KRABD5: variants seen among roughly 807,000 people sequenced by gnomAD.
KRABD5 encodes KRAB domain-containing protein 5.
At chr16:31,741,460 C>A in the KRABD5 span, among the ~76,000 whole-genome samples, 27 of 152,286 alleles carry the variant, frequency 1.8e-4, no homozygotes, top group African/African-American at 6.5e-4. Flanking sequence ...ACTGCTGGCA[C>A]TTGCCAGCAT....
At chr16:31,738,378 T>G in the KRABD5 span, among the ~76,000 whole-genome samples, 1 of 152,120 alleles carries the variant, frequency 6.6e-6, no homozygotes, top group African/African-American at 2.4e-5. Context: ...ATTTGAGAGG[T>G]GTGATGTTAG....
the KRABD5 span, chr16:31,757,320 A>T: frequency 7.2e-5 from 11 of 152,144 alleles, no homozygotes; most frequent in East Asian, 2.1e-3. Context: ...TACAAAAATT[A>T]GCTGGATGTG....
At chr16:31,722,267 G>A in the KRABD5 span, among the ~76,000 whole-genome samples, 2 of 152,052 alleles carry the variant, frequency 1.3e-5, no homozygotes, top group South Asian at 4.1e-4. Context: ...TAGAGATGGG[G>A]TTTCATCATG....
At chr16:31,747,034 C>T in the KRABD5 span, among the ~76,000 whole-genome samples, 1 of 151,618 alleles carries the variant, frequency 6.6e-6, no homozygotes, top group South Asian at 2.1e-4. Context: ...TACATGTGCA[C>T]AATGTGCAGG....
chr16:31,759,450 T>G, the KRABD5 span: 1 of 1,524,528 alleles, frequency 6.6e-7, no homozygotes, highest in Non-Finnish European at 8.9e-7. Flanking sequence ...GTGATGAAAG[T>G]GTTGCTTCGA....
At chr16:31,719,857 G>T in the KRABD5 span, among the ~76,000 whole-genome samples, 5 of 152,202 alleles carry the variant, frequency 3.3e-5, no homozygotes, top group African/African-American at 1.2e-4. Flanking sequence ...AGACCCAGTA[G>T]TTGCTTCACA....
chr16:31,743,054 A>G, the KRABD5 span, among the ~76,000 whole-genome samples: 13 of 152,172 alleles, frequency 8.5e-5, no homozygotes, highest in East Asian at 1.9e-4. Flanking sequence ...AATTCTGGAT[A>G]TTAGACCTTT....
chr16:31,749,493 G>T, the KRABD5 span, among the ~76,000 whole-genome samples: 1 of 152,224 alleles, frequency 6.6e-6, no homozygotes, highest in Non-Finnish European at 1.5e-5. Flanking sequence ...CTCCCTGCAG[G>T]TGCTCTGTAG....
chr16:31,737,471 C>G, the KRABD5 span, among the ~76,000 whole-genome samples: 1 of 150,978 alleles, frequency 6.6e-6, no homozygotes, highest in African/African-American at 2.4e-5. Flanking sequence ...ATAAGTCAGT[C>G]CATTTTGAGT....
chr16:31,714,406 C>A, the KRABD5 span: 2 of 456,200 alleles, frequency 4.4e-6, no homozygotes, highest in Non-Finnish European at 4.4e-6. Flanking sequence ...TGCTCCTGTC[C>A]CTTCAGTTGA....
At chr16:31,731,466 C>T in the KRABD5 span, among the ~76,000 whole-genome samples, 5 of 152,296 alleles carry the variant, frequency 3.3e-5, no homozygotes, top group Non-Finnish European at 7.3e-5. Flanking sequence ...ACAGGTGTGG[C>T]TCCTGCGGAG....
chr16:31,756,335 AG>A, the KRABD5 span: 1 of 152,158 alleles, frequency 6.6e-6, no homozygotes, highest in Non-Finnish European at 1.5e-5. Context: ...AAAGTAAAAG[AG>A]GAATATTCTG....
the KRABD5 span, chr16:31,753,961 A>G: frequency 5.2e-6 from 8 of 1,543,580 alleles, no homozygotes; most frequent in East Asian, 1.5e-4. Context: ...ACAACTACCT[A>G]TAACAAAAAC....
the KRABD5 span, among the ~76,000 whole-genome samples, chr16:31,716,997 G>GTTTTTTTTTTTTTTT: frequency 1.2e-5 from 1 of 81,172 alleles, no homozygotes; most frequent in Non-Finnish European, 2.3e-5. Context: ...GTCAGTCTTT[G>GTTTTTTTTTTTTTTT]TTTTTTTTTT....
the KRABD5 span, among the ~76,000 whole-genome samples, chr16:31,717,579 A>T: frequency 6.6e-6 from 1 of 152,186 alleles, no homozygotes. Context: ...CAGGTCTTCT[A>T]TTGAGGACTA....
the KRABD5 span, among the ~76,000 whole-genome samples, chr16:31,724,693 C>CAA: frequency 2.0e-5 from 1 of 49,278 alleles, no homozygotes; most frequent in Non-Finnish European, 3.8e-5. Context: ...GACTCCGTCT[C>CAA]AAAAAAAAAA....
the KRABD5 span, chr16:31,754,165 G>C: frequency 1.4e-6 from 1 of 693,526 alleles, no homozygotes; most frequent in Non-Finnish European, 2.6e-6. Flanking sequence ...TTAAAATATA[G>C]AACTGGAGTA....
chr16:31,716,474 A>G, the KRABD5 span, among the ~76,000 whole-genome samples: 3 of 152,218 alleles, frequency 2.0e-5, no homozygotes, highest in East Asian at 5.8e-4. Context: ...CCCTGGGCTC[A>G]GGTGATCCTC....
chr16:31,725,875 C>T, the KRABD5 span, among the ~76,000 whole-genome samples: 3 of 152,162 alleles, frequency 2.0e-5, no homozygotes, highest in East Asian at 1.9e-4. Context: ...ATATGAAACT[C>T]GTATCAGATA....
Sources: gnomAD v4.1 joint callset for allele counts (sites outside exome capture counted in the v4.1 genomes callset) on GRCh38, gnomAD v4.1.1 for gene constraint, MANE v1.5 for transcripts, NCBI Gene and HGNC (gene_info 2026-07-23, HGNC 2026-07-21) for gene names.